The following PRDM16 variants were observed in gnomAD, a reference collection of about 807,000 sequenced individuals.
PRDM16 encodes the protein histone-lysine N-methyltransferase PRDM16.
In PRDM16, 23 loss-of-function variants were observed where a neutral mutation model predicts 110.6. The observed-to-expected ratio is 0.21, with a 90% CI of 0.15 to 0.29. The LOEUF (loss-of-function observed/expected upper bound fraction) is 0.29, where lower values mean the gene tolerates loss of function less well. Among genes scored for constraint, PRDM16 ranks in the 10% least tolerant of loss-of-function variants. The probability of loss-of-function intolerance (pLI) is 1.00; values close to 1 mark genes in which losing one functional copy is unlikely to be tolerated. For synonymous variants in PRDM16, 799 were observed against 781.8 expected, an observed-to-expected ratio of 1.02 and a Z score of -0.37; for missense variants, 1,615 against 1,794.3, an observed-to-expected ratio of 0.90 and a Z score of 1.81.
At chr1:3,150,563 TA>T (rs1239130704) in intron 1 of PRDM16, among the ~76,000 whole-genome samples, 3 of 151,810 alleles carry the variant, frequency 2.0e-5, no homozygotes, top group East Asian at 1.9e-4. Flanking sequence ...ATCTCAAAGA[TA>T]AAGTAAAATA....
At chr1:3,411,331 G>A in intron 8 of PRDM16, 53 bp from the exon 9 acceptor site, 1 of 1,551,334 alleles carries the variant, frequency 6.4e-7, no homozygotes, top group Non-Finnish European at 8.8e-7. Flanking sequence ...GTTTTCAGCA[G>A]GGTTTCCCGG....
At position 3,245,270 on chromosome 1, in the gene PRDM16, A is replaced by G. The variant is rs1413499463; in HGVS notation, c.438+1133A>G. On this transcript the variant is annotated intron_variant, in intron 3 of 16. Coordinates refer to ENST00000270722, the MANE Select transcript of PRDM16 (RefSeq NM_022114.4). This position sits in a 1 kb window ranked among gnomAD's most constrained non-coding sequence, Gnocchi z 4.7. ...TCATCAATACTCCATTTTTCCCCCA[A>G]AGTCAAAGGAAAGTGCTGTGCTAGT... Among the ~76,000 whole-genome samples, 1 of 152,052 alleles carries G rather than the reference A, an allele frequency of 6.6e-6. No homozygotes were observed. Among genetic ancestry groups the G allele is most frequent in the Non-Finnish European group, 1.5e-5 (1 of 68,022 alleles).
At position 3,425,164 on chromosome 1, in the gene PRDM16, G is replaced by A. The variant is rs190977658; in HGVS notation, c.2940-417G>A. On this transcript the variant is annotated intron_variant, in intron 12 of 16. Coordinates refer to ENST00000270722, the MANE Select transcript of PRDM16 (RefSeq NM_022114.4). This position sits in a 1 kb window ranked among gnomAD's most constrained non-coding sequence, Gnocchi z 6.9. Reference sequence around the variant, plus strand: ...GTGATCTTGGCTCACTGCAAGCTCCGCCTCCCGGGTTCACGCCATTCTCCT... The same window carrying A: ...GTGATCTTGGCTCACTGCAAGCTCCACCTCCCGGGTTCACGCCATTCTCCT... 236 of 150,246 alleles carry A rather than the reference G, an allele frequency of 1.6e-3. 1 individual carries two copies. Among genetic ancestry groups the A allele is most frequent in the African/African-American group, 4.5e-3 (179 of 39,590 alleles). 9.3% of individuals were successfully genotyped at this position (150,246 alleles called of 1,614,324 possible).
chr1:3,416,834 C>T (rs1381657136), intron 10 of PRDM16, among the ~76,000 whole-genome samples: 2 of 152,230 alleles, frequency 1.3e-5, no homozygotes, highest in Non-Finnish European at 2.9e-5. Flanking sequence ...TTTGCTACCC[C>T]TCAGGGGATG....
At position 3,269,843 on chromosome 1, in the gene PRDM16, T is replaced by TCCCAGAGGAG. The variant is rs1640394407; in HGVS notation, c.438+25706_438+25707insCCCAGAGGAG. Among the ~76,000 whole-genome samples the TCCCAGAGGAG allele has an allele frequency of 1.5e-4, 12 of 77,802 alleles. No homozygotes were observed. The East Asian group carries it at 2.4e-3, about 15-fold the overall frequency. The allele number at this position is 77,802 out of a possible 152,430, so 51.0% of individuals were successfully genotyped here. ...CAGGGAGGAGGACAGTCCCAGAGGA[T>TCCCAGAGGAG]GAAAGTCCCAGAGGAGGAAAGTCCC... On this transcript the variant is annotated intron_variant, in intron 3 of 16. Coordinates refer to ENST00000270722, the MANE Select transcript of PRDM16 (RefSeq NM_022114.4).
intron 1 of PRDM16, among the ~76,000 whole-genome samples, chr1:3,076,107 C>G (rs180711049): frequency 4.6e-5 from 7 of 152,360 alleles, no homozygotes; most frequent in Admixed American, 3.9e-4. Context: ...AGGGAACCCA[C>G]CAGCCCCGCG....
At chr1:3,125,742 T>G (rs1434740801) in intron 1 of PRDM16, among the ~76,000 whole-genome samples, 1 of 152,210 alleles carries the variant, frequency 6.6e-6, no homozygotes, top group African/African-American at 2.4e-5. Context: ...ACGAGTTTGG[T>G]CTGCGCGGGG....
At chr1:3,335,457 G>GCATGTC (rs1219915116) in intron 3 of PRDM16, among the ~76,000 whole-genome samples, 1 of 152,158 alleles carries the variant, frequency 6.6e-6, no homozygotes, top group Non-Finnish European at 1.5e-5. Flanking sequence ...TTAGCACGTC[G>GCATGTC]CATGTCCGAA....
chr1:3,282,045 C>T (rs1039195512), intron 3 of PRDM16, among the ~76,000 whole-genome samples: 1 of 152,230 alleles, frequency 6.6e-6, no homozygotes, highest in Non-Finnish European at 1.5e-5. Flanking sequence ...AAACATGTGA[C>T]CTGAACTGAG....
chr1:3,169,788 G>A (rs924101916), intron 1 of PRDM16, among the ~76,000 whole-genome samples: 2 of 152,226 alleles, frequency 1.3e-5, no homozygotes, highest in Admixed American at 6.5e-5. Context: ...CGCAGCCCCT[G>A]GTTCCCCCCG....
rs753463565 is a variant in PRDM16 at position 3,432,183 on chromosome 1, C to A, written c.3696+43C>A. 16 of 1,577,340 alleles carry A rather than the reference C, an allele frequency of 1.0e-5. No homozygotes were observed. The South Asian group carries it at 1.2e-4, about 12-fold the overall frequency. On this transcript the variant is annotated intron_variant, in intron 16 of 16. Transcript: ENST00000270722. The stretch of plus-strand genomic sequence containing the variant: ...CCCCTCCCCCACCCCACCTGGCCTC[C>A]TCAGCCAGAGGACAGCCAGCACTCC...
chr1:3,071,020 G>T (rs1027985660), intron 1 of PRDM16, among the ~76,000 whole-genome samples: 2 of 152,254 alleles, frequency 1.3e-5, no homozygotes, highest in Non-Finnish European at 2.9e-5. Context: ...CTCCGCGCGT[G>T]GGGTGTGCGT....
At chr1:3,262,383 A>T (rs1351421158) in intron 3 of PRDM16, among the ~76,000 whole-genome samples, 1 of 152,238 alleles carries the variant, frequency 6.6e-6, no homozygotes, top group Non-Finnish European at 1.5e-5. Context: ...GTCCATCTGA[A>T]GGCAAAGCCA....
intron 2 of PRDM16, among the ~76,000 whole-genome samples, chr1:3,204,894 G>T (rs866856949): frequency 2.0e-5 from 3 of 152,168 alleles, no homozygotes; most frequent in South Asian, 2.1e-4. Context: ...TGGGACCCCC[G>T]TTGGGGGGGG....
chr1:3,229,003 G>A (rs933066709), intron 2 of PRDM16, among the ~76,000 whole-genome samples: 92 of 152,384 alleles, frequency 6.0e-4, no homozygotes, highest in African/African-American at 2.0e-3. Flanking sequence ...AAGTAACTGT[G>A]TCTGAGACTA....
At chr1:3,348,147 C>A (rs372029053) in intron 3 of PRDM16, among the ~76,000 whole-genome samples, 6 of 152,192 alleles carry the variant, frequency 3.9e-5, no homozygotes, top group East Asian at 3.9e-4. Context: ...TCTCCCCAAC[C>A]CACGTCCCAG....
chr1:3,129,193 T>C (rs1055958940), intron 1 of PRDM16, among the ~76,000 whole-genome samples: 1 of 149,568 alleles, frequency 6.7e-6, no homozygotes. Context: ...TGTGTGGGTG[T>C]GTGGATATGT....
At chr1:3,096,944 G>A (rs771942113) in intron 1 of PRDM16, among the ~76,000 whole-genome samples, 9 of 152,192 alleles carry the variant, frequency 5.9e-5, no homozygotes, top group Non-Finnish European at 8.8e-5. Context: ...AAACTACGCC[G>A]AGGCTGCTCT....
intron 1 of PRDM16, among the ~76,000 whole-genome samples, chr1:3,134,169 A>G (rs1376970801): frequency 6.6e-6 from 1 of 151,958 alleles, no homozygotes; most frequent in African/African-American, 2.4e-5. Flanking sequence ...GGAGATCAGC[A>G]CCTCCCGGCG....
Sources: gnomAD v4.1 joint callset for allele counts (sites outside exome capture counted in the v4.1 genomes callset) on GRCh38, gnomAD v4.1.1 for gene constraint, Gnocchi (gnomAD v3.1) non-coding constraint, MANE v1.5 for transcripts, NCBI Gene and HGNC (gene_info 2026-07-23, HGNC 2026-07-21) for gene names.